Variants in CCSER1 observed in about 807,000 individuals in gnomAD.
CCSER1 encodes the protein serine-rich coiled-coil domain-containing protein 1.
Under a neutral mutation model 82.0 loss-of-function variants are expected in CCSER1, and 41 were observed. That is an observed-to-expected ratio of 0.50 (90% CI 0.39 to 0.65). The LOEUF (loss-of-function observed/expected upper bound fraction) is 0.65, where lower values mean the gene tolerates loss of function less well. CCSER1 is among the 30% of genes least tolerant of loss of function. CCSER1 has a pLI of 0.00. For synonymous variants in CCSER1, 414 were observed against 383.9 expected, an observed-to-expected ratio of 1.08 and a Z score of -0.92; for missense variants, 1,119 against 1,064.2, an observed-to-expected ratio of 1.05 and a Z score of -0.72.
intron 9 of CCSER1, among the ~76,000 whole-genome samples, chr4:90,978,130 AG>A (rs1392323575): frequency 6.6e-6 from 1 of 151,614 alleles, no homozygotes; most frequent in Non-Finnish European, 1.5e-5. Flanking sequence ...ATGCTTTTTC[AG>A]GGACTGAACT....
At chr4:91,363,131 AAAAAC>A (rs982907064) in intron 10 of CCSER1, among the ~76,000 whole-genome samples, 1 of 151,670 alleles carries the variant, frequency 6.6e-6, no homozygotes, top group Non-Finnish European at 1.5e-5. Flanking sequence ...TCAAAAAACA[AAAAAC>A]AAAAACAAAA....
At chr4:90,983,679 A>G (rs11932231) in intron 9 of CCSER1, among the ~76,000 whole-genome samples, 4,967 of 151,852 alleles carry the variant, frequency 0.033, 235 homozygotes, top group African/African-American at 0.1. Context: ...AAAAAGCACC[A>G]AAGGGAAGGG....
chr4:90,848,810 G>A (rs775183609), intron 8 of CCSER1, among the ~76,000 whole-genome samples: 7 of 152,172 alleles, frequency 4.6e-5, no homozygotes, highest in Non-Finnish European at 8.8e-5. Flanking sequence ...GAGTTCTCAC[G>A]AGATCTGATG....
intron 10 of CCSER1, among the ~76,000 whole-genome samples, chr4:91,523,451 A>C (rs974131939): frequency 6.6e-6 from 1 of 152,116 alleles, no homozygotes; most frequent in Non-Finnish European, 1.5e-5. Context: ...AAGGAATGGT[A>C]CCAGCTCCTC....
chr4:91,362,107 A>C (rs1032628319), intron 10 of CCSER1, among the ~76,000 whole-genome samples: 3 of 151,876 alleles, frequency 2.0e-5, no homozygotes, highest in African/African-American at 7.2e-5. Flanking sequence ...GTGTGGCTGC[A>C]GAGAAGGAAT....
chr4:91,522,211 G>A (rs896051810), intron 10 of CCSER1, among the ~76,000 whole-genome samples: 1 of 152,140 alleles, frequency 6.6e-6, no homozygotes, highest in African/African-American at 2.4e-5. Flanking sequence ...TTACTTCCGA[G>A]GACTCTGTTC....
chr4:90,799,406 C>A (rs1004047875), intron 7 of CCSER1, among the ~76,000 whole-genome samples: 1 of 152,146 alleles, frequency 6.6e-6, no homozygotes, highest in African/African-American at 2.4e-5. Context: ...AGACACACAC[C>A]AGCCAAGTGA....
intron 10 of CCSER1, among the ~76,000 whole-genome samples, chr4:91,462,620 G>A (rs532283422): frequency 2.2e-4 from 33 of 152,224 alleles, no homozygotes; most frequent in South Asian, 1.5e-3. Context: ...CAAGGGAAGC[G>A]GTGCCAGACG....
chr4:91,183,104 T>C (rs917878081), intron 10 of CCSER1, among the ~76,000 whole-genome samples: 2 of 152,348 alleles, frequency 1.3e-5, no homozygotes, highest in South Asian at 4.1e-4. Flanking sequence ...GTGAGTGATG[T>C]AAAATGGGTG....
Position 90,937,496 on chromosome 4 carries a change from CACACACAA to C in CCSER1, c.2172+14057_2172+14064del, listed in dbSNP as rs1323341456. Among the ~76,000 whole-genome samples, 1,176 of 151,736 alleles carry C rather than the reference CACACACAA, an allele frequency of 7.8e-3. 10 individuals carry two copies. The highest frequency in any genetic ancestry group is 0.028 in the African/African-American group (1,144 of 41,338). ...CTAATTTGAAACACACACACACACACACACACAAACACACACACACTGAATGGCTCAAT... is the reference window on the plus strand; with the variant it reads ...CTAATTTGAAACACACACACACACACACACACACACACTGAATGGCTCAAT... On this transcript the variant is annotated intron_variant, in intron 9 of 10. Coordinates refer to ENST00000509176, the MANE Select transcript of CCSER1 (RefSeq NM_001145065.2).
At chr4:90,157,052 C>G (rs1214470836) in intron 1 of CCSER1, among the ~76,000 whole-genome samples, 1 of 152,136 alleles carries the variant, frequency 6.6e-6, no homozygotes, top group Non-Finnish European at 1.5e-5. Flanking sequence ...TTCAGGAGCT[C>G]TTTTAGGGCA....
chr4:90,350,588 A>G (rs1382741938), intron 3 of CCSER1, among the ~76,000 whole-genome samples: 2 of 152,162 alleles, frequency 1.3e-5, no homozygotes, highest in African/African-American at 4.8e-5. Context: ...ATATGGCACT[A>G]TATAATACTA....
intron 1 of CCSER1, among the ~76,000 whole-genome samples, chr4:90,141,003 C>T (rs1415305663): frequency 7.8e-6 from 1 of 128,838 alleles, no homozygotes; most frequent in East Asian, 2.4e-4. Context: ...TAGTGTTCTC[C>T]AGAGAAACCC....
rs551063262 is a variant in CCSER1, at chr4:90,366,318, G to T, written c.1510-33718G>T. 3.1e-4 allele frequency among the ~76,000 whole-genome samples: 47 copies of T among 150,980 alleles called. 2 individuals are homozygous for T. Among genetic ancestry groups the T allele is most frequent in the Non-Finnish European group, 6.4e-4 (43 of 67,320 alleles). On this transcript the variant is annotated intron_variant, in intron 3 of 10. Coordinates refer to ENST00000509176, the MANE Select transcript of CCSER1 (RefSeq NM_001145065.2). Reference sequence around the variant, plus strand: ...TAATCACTTTGGAATCAATATCATTGTGTGTGTATTTTCTCTTTTTCTTCT... The same window carrying T: ...TAATCACTTTGGAATCAATATCATTTTGTGTGTATTTTCTCTTTTTCTTCT...
chr4:91,365,200 G>T (rs1322761603), intron 10 of CCSER1, among the ~76,000 whole-genome samples: 1 of 152,134 alleles, frequency 6.6e-6, no homozygotes, highest in African/African-American at 2.4e-5. Context: ...GGGCAGTGTA[G>T]AAATATTATT....
intron 10 of CCSER1, among the ~76,000 whole-genome samples, chr4:91,332,069 A>G (rs1746997024): frequency 6.6e-6 from 1 of 152,112 alleles, no homozygotes; most frequent in South Asian, 2.1e-4. Context: ...CTAATTTCTA[A>G]AAATGTACTA....
In CCSER1 at chr4:90,709,692, C is replaced by A. The variant is rs575382976; in HGVS notation, c.1933-14222C>A. 8.5e-5 allele frequency among the ~76,000 whole-genome samples: 13 copies of A among 152,188 alleles called. No homozygotes were observed. The South Asian group carries it at 2.7e-3, about 32-fold the overall frequency. ...CTTTATTCAGTCTATCATTGATGGGCATTTAGGTTGATTCCATGTCTTTGC... is the reference window on the plus strand; with the variant it reads ...CTTTATTCAGTCTATCATTGATGGGAATTTAGGTTGATTCCATGTCTTTGC... On this transcript the variant is annotated intron_variant, in intron 6 of 10. Transcript: ENST00000509176.
intron 3 of CCSER1, among the ~76,000 whole-genome samples, chr4:90,357,133 A>G (rs1225603083): frequency 6.6e-6 from 1 of 151,936 alleles, no homozygotes; most frequent in African/African-American, 2.4e-5. Flanking sequence ...CCCTTATTTA[A>G]TTATAGAATT....
chr4:91,053,889 T>G (rs1381373759), intron 9 of CCSER1, among the ~76,000 whole-genome samples: 2 of 152,220 alleles, frequency 1.3e-5, no homozygotes, highest in Non-Finnish European at 2.9e-5. Flanking sequence ...TAGCTGGATG[T>G]GTAGTTTCTT....
Sources: allele counts gnomAD v4.1 joint callset (sites outside exome capture counted in the v4.1 genomes callset), GRCh38; gene constraint gnomAD v4.1.1; transcripts MANE v1.5; gene names NCBI Gene and HGNC (gene_info 2026-07-23, HGNC 2026-07-21).